ARHGAP24: variants seen among roughly 807,000 people sequenced by gnomAD.
ARHGAP24 encodes rho GTPase-activating protein 24.
Under a neutral mutation model 76.4 loss-of-function variants are expected in ARHGAP24, and 50 were observed. The observed-to-expected ratio is 0.65, with a 90% CI of 0.52 to 0.83. ARHGAP24 has a LOEUF of 0.83. Among genes scored for constraint, ARHGAP24 ranks in the 40% least tolerant of loss-of-function variants. The pLI is 0.00. For synonymous variants in ARHGAP24, 345 were observed against 323.3 expected, an observed-to-expected ratio of 1.07 and a Z score of -0.72; for missense variants, 930 against 914.2, an observed-to-expected ratio of 1.02 and a Z score of -0.22.
At chr4:85,894,995 A>AG (rs1734081852) in intron 3 of ARHGAP24, among the ~76,000 whole-genome samples, 1 of 23,912 alleles carries the variant, frequency 4.2e-5, no homozygotes, top group Non-Finnish European at 8.9e-5. Flanking sequence ...AAAACAAAAC[A>AG]AAAAGCAAAA....
chr4:85,816,721 T>C (rs1013316269), intron 3 of ARHGAP24, among the ~76,000 whole-genome samples: 2 of 152,160 alleles, frequency 1.3e-5, no homozygotes, highest in African/African-American at 2.4e-5. Flanking sequence ...AATGCTGCAA[T>C]AAACATGGGA....
At chr4:85,886,726 T>G (rs1733588772) in intron 3 of ARHGAP24, among the ~76,000 whole-genome samples, 1 of 152,148 alleles carries the variant, frequency 6.6e-6, no homozygotes, top group African/African-American at 2.4e-5. Context: ...AAAATAATGA[T>G]GCTAGATCAT....
At chr4:85,479,633 G>C (rs1722733884) in intron 1 of ARHGAP24, among the ~76,000 whole-genome samples, 1 of 151,908 alleles carries the variant, frequency 6.6e-6, no homozygotes, top group Non-Finnish European at 1.5e-5. Context: ...AAATTTAGAG[G>C]GGCAGCTTCT....
intron 2 of ARHGAP24, among the ~76,000 whole-genome samples, chr4:85,670,572 G>T (rs937329412): frequency 1.3e-5 from 2 of 152,056 alleles, no homozygotes; most frequent in Non-Finnish European, 1.5e-5. Flanking sequence ...CTTGGAGAAT[G>T]GTGTCACCAC....
intron 1 of ARHGAP24, among the ~76,000 whole-genome samples, chr4:85,514,842 A>AAAG: frequency 6.8e-6 from 1 of 147,956 alleles, no homozygotes; most frequent in Non-Finnish European, 1.5e-5. Flanking sequence ...AAAAAAAAAA[A>AAAG]AGTGATATTG....
At chr4:85,770,509 G>C (rs1451828490) in intron 3 of ARHGAP24, among the ~76,000 whole-genome samples, 2 of 152,116 alleles carry the variant, frequency 1.3e-5, no homozygotes, top group African/African-American at 4.8e-5. Flanking sequence ...ATAACTGCCT[G>C]TTTTAATTTC....
At chr4:85,508,189 A>T (rs1724138988) in intron 1 of ARHGAP24, among the ~76,000 whole-genome samples, 1 of 152,160 alleles carries the variant, frequency 6.6e-6, no homozygotes, top group African/African-American at 2.4e-5. Context: ...TTGCTCATGC[A>T]GTTTTTCCAA....
At chr4:85,571,027 T>G (rs947196133) in intron 2 of ARHGAP24, 3 of 270,424 alleles carry the variant, frequency 1.1e-5, no homozygotes, top group African/African-American at 2.2e-5. Flanking sequence ...TGCTAAAAGA[T>G]ATATCATAGC....
At chr4:85,855,811 T>C (rs1215000858) in intron 3 of ARHGAP24, among the ~76,000 whole-genome samples, 1 of 151,674 alleles carries the variant, frequency 6.6e-6, no homozygotes, top group Non-Finnish European at 1.5e-5. Flanking sequence ...CATCATTCTG[T>C]TTAGAAAAGC....
intron 3 of ARHGAP24, among the ~76,000 whole-genome samples, chr4:85,913,640 G>A (rs1255662587): frequency 6.6e-6 from 1 of 152,000 alleles, no homozygotes; most frequent in Non-Finnish European, 1.5e-5. Context: ...TGTATCCTCA[G>A]AACTAGAATA....
chr4:85,482,014 A>G (rs1441855329), intron 1 of ARHGAP24, among the ~76,000 whole-genome samples: 1 of 152,198 alleles, frequency 6.6e-6, no homozygotes, highest in Non-Finnish European at 1.5e-5. Context: ...AGAATTCTAC[A>G]GCTACCTTGA....
At chr4:85,953,651 T>A (rs898238997) in intron 5 of ARHGAP24, among the ~76,000 whole-genome samples, 1 of 151,986 alleles carries the variant, frequency 6.6e-6, no homozygotes, top group Non-Finnish European at 1.5e-5. Context: ...TTTTTTTTTT[T>A]AATCTGCCTG....
At position 85,783,987 on chromosome 4, in the gene ARHGAP24, A is replaced by C. The variant is rs1391848577; in HGVS notation, c.268+62015A>C. Among the ~76,000 whole-genome samples, 5 of 151,538 alleles carry C rather than the reference A, an allele frequency of 3.3e-5. No individual in the cohort carries two copies. In the East Asian group the frequency reaches 7.7e-4, roughly 23 times the overall value. On this transcript the variant is annotated intron_variant, in intron 3 of 9. Coordinates refer to ENST00000395184, the MANE Select transcript of ARHGAP24 (RefSeq NM_001025616.3). ...AACAAACAAATCTTCAGCCTTTTCA[A>C]CCATGTTCTTTTTTCCTGGTGCCAA...
intron 3 of ARHGAP24, among the ~76,000 whole-genome samples, chr4:85,770,469 A>T (rs911279559): frequency 6.6e-6 from 1 of 152,196 alleles, no homozygotes; most frequent in African/African-American, 2.4e-5. Context: ...AGAAATAATT[A>T]TTGTTGTTAC....
chr4:85,581,628 C>T (rs1727614766), intron 2 of ARHGAP24, among the ~76,000 whole-genome samples: 1 of 152,136 alleles, frequency 6.6e-6, no homozygotes, highest in African/African-American at 2.4e-5. Context: ...TGTTTTTTAA[C>T]ATTCATAATC....
intron 1 of ARHGAP24, among the ~76,000 whole-genome samples, chr4:85,539,297 G>T (rs1462421255): frequency 2.0e-5 from 3 of 152,066 alleles, no homozygotes. Context: ...GAAATAAAAG[G>T]TAACATAAAG....
chr4:85,685,309 T>C (rs1009060272), intron 2 of ARHGAP24, among the ~76,000 whole-genome samples: 2 of 152,166 alleles, frequency 1.3e-5, no homozygotes, highest in African/African-American at 4.8e-5. Context: ...TCTAATTTCC[T>C]TGCTGTCTTT....
At chr4:85,920,121 C>T (rs996173280) in intron 3 of ARHGAP24, among the ~76,000 whole-genome samples, 37 of 152,186 alleles carry the variant, frequency 2.4e-4, no homozygotes, top group African/African-American at 8.9e-4. Flanking sequence ...TGTTCTCAAA[C>T]ACTTATTAGA....
intron 2 of ARHGAP24, among the ~76,000 whole-genome samples, chr4:85,650,112 A>G (rs924849664): frequency 2.0e-5 from 3 of 152,162 alleles, no homozygotes; most frequent in African/African-American, 7.2e-5. Flanking sequence ...TTTAAGAAGT[A>G]CATGGTCGCT....
Sources: gnomAD v4.1 joint callset for allele counts (sites outside exome capture counted in the v4.1 genomes callset) on GRCh38, gnomAD v4.1.1 for gene constraint, MANE v1.5 for transcripts, NCBI Gene and HGNC (gene_info 2026-07-23, HGNC 2026-07-21) for gene names.